The following ERC1 variants were observed in gnomAD, a reference collection of about 807,000 sequenced individuals.
The protein encoded by ERC1 is ELKS/RAB6-interacting/CAST family member 1.
Under a neutral mutation model 132.0 loss-of-function variants are expected in ERC1, and 56 were observed. The ratio of observed to expected loss-of-function variants is 0.42; its 90% CI spans 0.34 to 0.53. The LOEUF is 0.53. Among genes scored for constraint, ERC1 ranks in the 20% least tolerant of loss-of-function variants. The pLI is 0.03. For missense variants in ERC1, 1,202 were observed against 1,349.9 expected (o/e 0.89, Z 1.72); for synonymous variants, 478 against 476.1 (o/e 1.00, Z -0.05).
At chr12:1,009,410 G>A (rs1022862674) in intron 1 of ERC1, among the ~76,000 whole-genome samples, 28 of 152,042 alleles carry the variant, frequency 1.8e-4, no homozygotes, top group Admixed American at 1.1e-3. Context: ...TCCTGACCTC[G>A]TGATCCGCCC....
At chr12:1,152,569 TAGA>T (rs1328224618) in intron 8 of ERC1, 7 of 152,742 alleles carry the variant, frequency 4.6e-5, no homozygotes, top group Non-Finnish European at 1.0e-4. Context: ...AACCAAAATG[TAGA>T]AGGTCTTACA....
At chr12:1,010,079 G>A (rs564106802) in intron 1 of ERC1, among the ~76,000 whole-genome samples, 45 of 152,204 alleles carry the variant, frequency 3.0e-4, no homozygotes, top group African/African-American at 1.1e-3. Flanking sequence ...TTCTACCTTA[G>A]TGAGTACACA....
chr12:1,279,178 G>C (rs559648459), intron 14 of ERC1, among the ~76,000 whole-genome samples: 17 of 151,888 alleles, frequency 1.1e-4, no homozygotes, highest in African/African-American at 4.1e-4. Context: ...AAAATTTTTA[G>C]AAATCGAGTT....
chr12:1,095,709 C>G (rs988524753), intron 3 of ERC1, among the ~76,000 whole-genome samples: 4 of 152,128 alleles, frequency 2.6e-5, no homozygotes, highest in African/African-American at 9.7e-5. Flanking sequence ...AGTCTTCTCT[C>G]TCTATTGACA....
chr12:1,472,562 A>G (rs1281536830), intron 18 of ERC1, among the ~76,000 whole-genome samples: 1 of 151,950 alleles, frequency 6.6e-6, no homozygotes, highest in Non-Finnish European at 1.5e-5. Context: ...AGGTGAGAGA[A>G]TCACTTCAGC....
intron 17 of ERC1, among the ~76,000 whole-genome samples, chr12:1,408,917 C>G (rs543993394): frequency 5.3e-5 from 8 of 152,130 alleles, no homozygotes; most frequent in Non-Finnish European, 1.2e-4. Context: ...CAGATTACCT[C>G]ATATCCCATT....
At chr12:1,297,198 TAAAA>T (rs35473192) in intron 15 of ERC1, among the ~76,000 whole-genome samples, 6 of 130,380 alleles carry the variant, frequency 4.6e-5, no homozygotes, top group Non-Finnish European at 6.7e-5. Flanking sequence ...TTCAGGGTAC[TAAAA>T]AAAAAAAAAA....
intron 2 of ERC1, among the ~76,000 whole-genome samples, chr12:1,062,352 G>A (rs1354335037): frequency 6.6e-6 from 1 of 151,940 alleles, no homozygotes; most frequent in East Asian, 1.9e-4. Flanking sequence ...GAACTCCTGA[G>A]CTCAAGCCAT....
intron 18 of ERC1, among the ~76,000 whole-genome samples, chr12:1,475,518 G>A (rs1051556739): frequency 2.6e-5 from 4 of 152,016 alleles, no homozygotes; most frequent in African/African-American, 9.7e-5. Flanking sequence ...CAACCGTGAA[G>A]GATAAGAAAG....
chr12:1,005,276 G>A (rs976285240), intron 1 of ERC1, among the ~76,000 whole-genome samples: 6 of 151,976 alleles, frequency 3.9e-5, no homozygotes, highest in Non-Finnish European at 7.4e-5. Flanking sequence ...ATCAGCCTTC[G>A]AGTAGCTGGG....
At position 1,392,150 on chromosome 12, in the gene ERC1, C is replaced by T. The variant is rs535588008; in HGVS notation, c.2926-15999C>T. ...CACAAGGACCAATGGAGATGTGTAG[C>T]GAAGGAGCAGGGTGGGGGTCAGTGA... On this transcript the variant is annotated intron_variant, in intron 16 of 18. Transcript: ENST00000360905. Among the ~76,000 whole-genome samples the T allele has an allele frequency of 3.9e-5, 6 of 152,016 alleles. No homozygotes were observed. In the South Asian group the frequency reaches 8.3e-4, roughly 21 times the overall value.
At chr12:997,212 A>G (rs1961112357) in intron 1 of ERC1, among the ~76,000 whole-genome samples, 1 of 152,254 alleles carries the variant, frequency 6.6e-6, no homozygotes, top group African/African-American at 2.4e-5. Context: ...TCAAACATGG[A>G]TTCACTAAGT....
intron 13 of ERC1, among the ~76,000 whole-genome samples, chr12:1,241,336 C>T (rs1366310673): frequency 2.0e-5 from 3 of 152,092 alleles, no homozygotes; most frequent in Non-Finnish European, 2.9e-5. Flanking sequence ...CATTTGCTAC[C>T]TATCATGAAA....
chr12:1,348,445 G>T (rs1368924808), intron 15 of ERC1, among the ~76,000 whole-genome samples: 1 of 152,116 alleles, frequency 6.6e-6, no homozygotes, highest in Non-Finnish European at 1.5e-5. Flanking sequence ...TCAGCACTTT[G>T]GGAGGCCGAG....
rs1259570466 is a variant in ERC1 at position 1,121,717 on chromosome 12, A to G, written c.1569+5684A>G. On this transcript the variant is annotated intron_variant, in intron 7 of 18. Coordinates refer to ENST00000360905, the MANE Select transcript of ERC1 (RefSeq NM_178040.4). ...TATCTCTATCTCTATCTGTGTCTCT[A>G]TCTCTATCTCTATCTCTATCTCTAT... 5.6e-3 allele frequency among the ~76,000 whole-genome samples: 31 copies of G among 5,538 alleles called. 1 individual carries two copies. The highest frequency in any genetic ancestry group is 9.9e-3 in the African/African-American group (31 of 3,118). The allele number at this position is 5,538 out of a possible 152,430, so 3.6% of individuals were successfully genotyped here. A position where few individuals can be genotyped will look rare whatever the true frequency, so the allele number is the denominator to read the frequency against.
chr12:1,117,217 T>C (rs1223184161), intron 7 of ERC1, among the ~76,000 whole-genome samples: 1 of 151,896 alleles, frequency 6.6e-6, no homozygotes, highest in Non-Finnish European at 1.5e-5. Context: ...CATAATTTGG[T>C]GGAAAAAAGG....
intron 15 of ERC1, among the ~76,000 whole-genome samples, chr12:1,303,463 C>T (rs145542204): frequency 0.02 from 2,999 of 150,754 alleles, 94 homozygotes; most frequent in African/African-American, 0.07. Flanking sequence ...GGTGAAACCC[C>T]GTCTCTACTA....
intron 12 of ERC1, among the ~76,000 whole-genome samples, chr12:1,199,888 C>G (rs1044404989): frequency 1.3e-5 from 2 of 151,716 alleles, no homozygotes; most frequent in Non-Finnish European, 2.9e-5. Context: ...AAGATTAGCC[C>G]AAATCCTATG....
intron 12 of ERC1, among the ~76,000 whole-genome samples, chr12:1,191,221 T>G (rs1238066446): frequency 6.6e-6 from 1 of 152,188 alleles, no homozygotes; most frequent in Admixed American, 6.5e-5. Context: ...GTCAGAATTT[T>G]AAAATTACCA....
Sources: gnomAD v4.1 joint callset for allele counts (sites outside exome capture counted in the v4.1 genomes callset) on GRCh38, gnomAD v4.1.1 for gene constraint, MANE v1.5 for transcripts, NCBI Gene and HGNC (gene_info 2026-07-23, HGNC 2026-07-21) for gene names.